Variants in TCF7L1 observed in about 807,000 individuals in gnomAD.
TCF7L1 encodes transcription factor 7 like 1, also known as transcription factor 7-like 1.
Under a neutral mutation model 63.7 loss-of-function variants are expected in TCF7L1, and 18 were observed. The ratio of observed to expected loss-of-function variants is 0.28; its 90% CI spans 0.20 to 0.42. TCF7L1 has a LOEUF of 0.42. TCF7L1 is among the 10% of genes least tolerant of loss of function. The probability of loss-of-function intolerance (pLI) is 1.00; values close to 1 mark genes in which losing one functional copy is unlikely to be tolerated. For synonymous variants in TCF7L1, 355 were observed against 340.9 expected, an observed-to-expected ratio of 1.04 and a Z score of -0.46; for missense variants, 654 against 779.3, an observed-to-expected ratio of 0.84 and a Z score of 1.91.
chr2:85,293,337 A>T (rs1430792727), intron 4 of TCF7L1, among the ~76,000 whole-genome samples: 1 of 152,104 alleles, frequency 6.6e-6, no homozygotes, highest in African/African-American at 2.4e-5. Context: ...GCAAGTTTTT[A>T]TAAGATCTGG....
At chr2:85,224,676 G>T (rs1679918953) in intron 3 of TCF7L1, among the ~76,000 whole-genome samples, 1 of 152,082 alleles carries the variant, frequency 6.6e-6, no homozygotes, top group Non-Finnish European at 1.5e-5. Context: ...TGTAGATTCT[G>T]GATATTAGTC....
intron 3 of TCF7L1, among the ~76,000 whole-genome samples, chr2:85,231,630 G>T (rs551154822): frequency 3.3e-5 from 5 of 152,300 alleles, no homozygotes; most frequent in Admixed American, 3.3e-4. Flanking sequence ...GCACCAGGGA[G>T]TATGCTGGCC....
intron 3 of TCF7L1, among the ~76,000 whole-genome samples, chr2:85,224,915 C>A (rs1679924421): frequency 6.6e-6 from 1 of 152,162 alleles, no homozygotes; most frequent in Non-Finnish European, 1.5e-5. Context: ...GGTTTTAGGG[C>A]TTACATTTAA....
intron 3 of TCF7L1, among the ~76,000 whole-genome samples, chr2:85,158,818 G>A (rs1678213465): frequency 6.6e-6 from 1 of 152,250 alleles, no homozygotes; most frequent in Admixed American, 6.5e-5. Flanking sequence ...TCCAGGCCCT[G>A]TGGCCACAGC....
chr2:85,234,791 A>T (rs571774235), intron 3 of TCF7L1, among the ~76,000 whole-genome samples: 2 of 152,204 alleles, frequency 1.3e-5, no homozygotes, highest in Non-Finnish European at 2.9e-5. Context: ...TCATGGACAC[A>T]TGGGAAGAAA....
intron 3 of TCF7L1, among the ~76,000 whole-genome samples, chr2:85,229,345 CAAAAA>C (rs1680023901): frequency 6.6e-6 from 1 of 151,654 alleles, no homozygotes; most frequent in East Asian, 1.9e-4. Flanking sequence ...GACTCCGTCT[CAAAAA>C]AAGAAAAGGA....
chr2:85,268,790 G>T (rs768375441), intron 3 of TCF7L1, among the ~76,000 whole-genome samples: 3 of 150,740 alleles, frequency 2.0e-5, no homozygotes, highest in Admixed American at 1.3e-4. Context: ...AAAAAGATTG[G>T]ATGCCTATCC....
At chr2:85,220,174 T>C (rs1415850023) in intron 3 of TCF7L1, among the ~76,000 whole-genome samples, 4 of 152,166 alleles carry the variant, frequency 2.6e-5, no homozygotes, top group African/African-American at 9.7e-5. Context: ...GCAGTACCTT[T>C]AGGACAACAT....
intron 3 of TCF7L1, among the ~76,000 whole-genome samples, chr2:85,259,007 GT>G (rs1237287259): frequency 6.6e-6 from 1 of 152,154 alleles, no homozygotes; most frequent in East Asian, 1.9e-4. Flanking sequence ...GCCTAACTCT[GT>G]AATACCCCCA....
chr2:85,224,112 A>G (rs1230844074), intron 3 of TCF7L1, among the ~76,000 whole-genome samples: 1 of 152,246 alleles, frequency 6.6e-6, no homozygotes, highest in African/African-American at 2.4e-5. Flanking sequence ...GCCAAAGGAC[A>G]TGAAATCATC....
At chr2:85,302,436 C>T (rs1682003390) in intron 4 of TCF7L1, 48 bp from the exon 5 acceptor site, 2 of 1,613,382 alleles carry the variant, frequency 1.2e-6, no homozygotes, top group East Asian at 4.5e-5. Context: ...GCTGGTCATA[C>T]TCTCCATCTC....
chr2:85,230,536 T>C (rs1452184844), intron 3 of TCF7L1, among the ~76,000 whole-genome samples: 1 of 152,214 alleles, frequency 6.6e-6, no homozygotes, highest in African/African-American at 2.4e-5. Context: ...GGTTTCACCA[T>C]GTTGGCCAGG....
intron 3 of TCF7L1, among the ~76,000 whole-genome samples, chr2:85,268,767 TA>T (rs61701088): frequency 0.69 from 96,274 of 139,260 alleles, 34,467 homozygotes; most frequent in East Asian, 0.89. Flanking sequence ...AGCGGCAGGT[TA>T]AAAAAAAAAA....
intron 3 of TCF7L1, among the ~76,000 whole-genome samples, chr2:85,234,649 C>T (rs921903192): frequency 1.3e-5 from 2 of 152,184 alleles, no homozygotes; most frequent in Non-Finnish European, 2.9e-5. Flanking sequence ...AAGTGGATCG[C>T]CTACTTAACT....
chr2:85,230,256 T>G (rs1283369498), intron 3 of TCF7L1, among the ~76,000 whole-genome samples: 2 of 152,218 alleles, frequency 1.3e-5, no homozygotes, highest in African/African-American at 4.8e-5. Context: ...GCATGATTCT[T>G]ATGGATTAAG....
intron 3 of TCF7L1, among the ~76,000 whole-genome samples, chr2:85,147,133 C>T (rs958761211): frequency 2.7e-5 from 4 of 150,150 alleles, no homozygotes; most frequent in African/African-American, 7.3e-5. Context: ...GAATTAAAAA[C>T]CCAGGATAAA....
chr2:85,176,453 A>G (rs1433627768), intron 3 of TCF7L1, among the ~76,000 whole-genome samples: 1 of 152,092 alleles, frequency 6.6e-6, no homozygotes, highest in Non-Finnish European at 1.5e-5. Flanking sequence ...TTTCTCCCTT[A>G]TATTTAGCTG....
intron 4 of TCF7L1, among the ~76,000 whole-genome samples, chr2:85,300,399 T>C (rs2104385688): frequency 6.6e-6 from 1 of 152,358 alleles, no homozygotes; most frequent in Non-Finnish European, 1.5e-5. Flanking sequence ...TATATGGAGA[T>C]ATCTTCAAAA....
intron 3 of TCF7L1, among the ~76,000 whole-genome samples, chr2:85,196,771 GTGA>G (rs1334518708): frequency 2.0e-5 from 3 of 152,188 alleles, no homozygotes; most frequent in Non-Finnish European, 2.9e-5. Context: ...TATTGGGTAG[GTGA>G]TGTTTTTCTG....
Sources: allele counts gnomAD v4.1 joint callset (sites outside exome capture counted in the v4.1 genomes callset), GRCh38; gene constraint gnomAD v4.1.1; transcripts MANE v1.5; gene names NCBI Gene and HGNC (gene_info 2026-07-23, HGNC 2026-07-21).